The following CREB5 variants were observed in gnomAD, a reference collection of about 807,000 sequenced individuals.
The protein encoded by CREB5 is cAMP responsive element binding protein 5.
In CREB5, 19 loss-of-function variants were observed where a neutral mutation model predicts 57.1. The observed-to-expected ratio is 0.33, with a 90% confidence interval of 0.23 to 0.49. The LOEUF (loss-of-function observed/expected upper bound fraction) is 0.49. CREB5 is among the 20% of genes least tolerant of loss of function. The pLI, the probability that CREB5 is intolerant of heterozygous loss-of-function variation, is 0.99. For synonymous variants in CREB5, 238 were observed against 238.3 expected, an observed-to-expected ratio of 1.00 and a Z score of 0.01; for missense variants, 579 against 671.6, an observed-to-expected ratio of 0.86 and a Z score of 1.52.
chr7:28,598,209 T>C (rs997969773), intron 5 of CREB5, among the ~76,000 whole-genome samples: 7 of 152,148 alleles, frequency 4.6e-5, no homozygotes, highest in African/African-American at 1.4e-4. Flanking sequence ...CGAGATCTGA[T>C]GGGTTTGTCA....
chr7:28,819,022 G>A, intron 10 of CREB5, 94 bp from the exon 11 acceptor site: 7 of 1,335,002 alleles, frequency 5.2e-6, no homozygotes, highest in Non-Finnish European at 7.2e-6. Flanking sequence ...TAAATATCTA[G>A]TACAGTTTCT....
At chr7:28,412,026 T>C (rs1562698998), upstream of CREB5, among the ~76,000 whole-genome samples, 2 of 152,232 alleles carry the variant, frequency 1.3e-5, no homozygotes, top group Non-Finnish European at 2.9e-5. Context: ...CAGTGATTAG[T>C]GGTTTTATTC....
At chr7:28,588,163 G>C (rs1246272964) in intron 5 of CREB5, among the ~76,000 whole-genome samples, 1 of 152,160 alleles carries the variant, frequency 6.6e-6, no homozygotes, top group Non-Finnish European at 1.5e-5. Context: ...TGGTATCCTG[G>C]ATCACACAAT....
chr7:28,540,948 C>A (rs952745099), intron 4 of CREB5, among the ~76,000 whole-genome samples: 1 of 152,122 alleles, frequency 6.6e-6, no homozygotes, highest in Non-Finnish European at 1.5e-5. Flanking sequence ...GAAAACATAC[C>A]CACTGATACC....
At chr7:28,735,671 G>A (rs1374447607) in intron 7 of CREB5, among the ~76,000 whole-genome samples, 1 of 152,090 alleles carries the variant, frequency 6.6e-6, no homozygotes, top group Non-Finnish European at 1.5e-5. Context: ...CTGAGGGGGA[G>A]GGATCTGAAC....
intron 5 of CREB5, among the ~76,000 whole-genome samples, chr7:28,627,069 C>G (rs1798022327): frequency 6.6e-6 from 1 of 152,234 alleles, no homozygotes; most frequent in South Asian, 2.1e-4. Flanking sequence ...CTGTCCTCCA[C>G]CCCATCCATT....
Position 28,386,542 on chromosome 7 carries a change from T to G in CREB5, c.-25+87101T>G, listed in dbSNP as rs11486825. On this transcript the variant is annotated intron_variant, in intron 1 of 9. Transcript: ENST00000396299. ...ATTTATACTCCTCAGGACTTGTGCT[T>G]TCTGAACTTGAAAAGTATTATCTTT... is the stretch of plus-strand genomic sequence containing the variant. Among the ~76,000 whole-genome samples, 617 of 152,320 alleles carry G rather than the reference T, an allele frequency of 4.1e-3. 3 individuals carry two copies. The highest frequency in any genetic ancestry group is 0.014 in the African/African-American group (582 of 41,572).
intron 1 of CREB5, among the ~76,000 whole-genome samples, chr7:28,356,716 C>G (rs1254896524): frequency 6.6e-6 from 1 of 152,178 alleles, no homozygotes; most frequent in Non-Finnish European, 1.5e-5. Flanking sequence ...ACAGGCTGCC[C>G]CTGGTGTGTG....
At chr7:28,651,283 T>C (rs1799119840) in intron 5 of CREB5, among the ~76,000 whole-genome samples, 1 of 152,130 alleles carries the variant, frequency 6.6e-6, no homozygotes, top group South Asian at 2.1e-4. Flanking sequence ...GGAGATATGC[T>C]AAAAATAATA....
intron 1 of CREB5, among the ~76,000 whole-genome samples, chr7:28,362,789 A>C (rs1786513812): frequency 6.6e-6 from 1 of 152,220 alleles, no homozygotes; most frequent in South Asian, 2.1e-4. Flanking sequence ...AAGCTTAGCA[A>C]ATATTTTTAA....
chr7:28,753,257 C>T (rs934047772), intron 7 of CREB5, among the ~76,000 whole-genome samples: 2 of 152,120 alleles, frequency 1.3e-5, no homozygotes, highest in Non-Finnish European at 2.9e-5. Context: ...TCCAACAATT[C>T]ATGTTTTCAA....
chr7:28,481,362 G>A (rs946228336), intron 1 of CREB5, among the ~76,000 whole-genome samples: 3 of 152,190 alleles, frequency 2.0e-5, no homozygotes. Flanking sequence ...CTTCTGGTTT[G>A]AACAGAATAG....
chr7:28,690,564 C>A (rs1400988267), intron 5 of CREB5, among the ~76,000 whole-genome samples: 1 of 152,172 alleles, frequency 6.6e-6, no homozygotes, highest in Admixed American at 6.5e-5. Context: ...CTTTGACAAG[C>A]CACTTCACCT....
intron 5 of CREB5, among the ~76,000 whole-genome samples, chr7:28,617,678 A>G (rs1364362328): frequency 6.6e-6 from 1 of 151,952 alleles, no homozygotes; most frequent in African/African-American, 2.4e-5. Context: ...TTAATAATTC[A>G]ATAATGAGAG....
At chr7:28,424,548 T>C (rs1788416995) in intron 1 of CREB5, among the ~76,000 whole-genome samples, 1 of 152,234 alleles carries the variant, frequency 6.6e-6, no homozygotes, top group African/African-American at 2.4e-5. Flanking sequence ...TAAAAATAGA[T>C]ACATACATGT....
At chr7:28,422,147 G>T (rs1348016921) in intron 1 of CREB5, among the ~76,000 whole-genome samples, 3 of 152,072 alleles carry the variant, frequency 2.0e-5, no homozygotes, top group Non-Finnish European at 4.4e-5. Flanking sequence ...GGAGGCCCAG[G>T]CTTGTGCATA....
At chr7:28,410,179 G>T (rs1279922018), upstream of CREB5, 3 of 441,604 alleles carry the variant, frequency 6.8e-6, no homozygotes, top group South Asian at 4.8e-5. Context: ...AGGGGAGGTC[G>T]CCCTCGGAGG....
chr7:28,427,322 A>G (rs1413361706), intron 1 of CREB5, among the ~76,000 whole-genome samples: 1 of 152,188 alleles, frequency 6.6e-6, no homozygotes, highest in Non-Finnish European at 1.5e-5. Context: ...TTTCAAAACT[A>G]TGATTATGCA....
chr7:28,324,748 A>G (rs76530432), intron 1 of CREB5, among the ~76,000 whole-genome samples: 4,430 of 152,216 alleles, frequency 0.029, 132 homozygotes, highest in Admixed American at 0.078. Flanking sequence ...TCTATATCCA[A>G]TTGTCACAGG....
Sources: gnomAD v4.1 joint callset for allele counts (sites outside exome capture counted in the v4.1 genomes callset) on GRCh38, gnomAD v4.1.1 for gene constraint, MANE v1.5 for transcripts, NCBI Gene and HGNC (gene_info 2026-07-23, HGNC 2026-07-21) for gene names.